The following GREB1 variants were observed in gnomAD, a reference collection of about 807,000 sequenced individuals.
The protein encoded by GREB1 is growth regulating estrogen receptor binding 1.
Under a neutral mutation model 200.7 loss-of-function variants are expected in GREB1, and 106 were observed. The observed-to-expected ratio is 0.53, with a 90% CI of 0.45 to 0.62. The LOEUF (loss-of-function observed/expected upper bound fraction) is 0.62, where lower values mean the gene tolerates loss of function less well. Ranked by LOEUF, GREB1 falls within the 20% of genes least tolerant of loss-of-function variation. The pLI is 0.00. For synonymous variants in GREB1, 1,132 were observed against 1,092.4 expected, an observed-to-expected ratio of 1.04 and a Z score of -0.72; for missense variants, 2,243 against 2,556.8, an observed-to-expected ratio of 0.88 and a Z score of 2.65.
intron 20 of GREB1, among the ~76,000 whole-genome samples, chr2:11,616,025 C>T (rs958743162): frequency 6.6e-6 from 1 of 152,228 alleles, no homozygotes. Context: ...GCCATCTTTT[C>T]GAAGCACGGC....
chr2:11,577,220 A>G (rs978725980), intron 5 of GREB1, among the ~76,000 whole-genome samples: 20 of 151,610 alleles, frequency 1.3e-4, no homozygotes, highest in African/African-American at 4.6e-4. Flanking sequence ...AACTCAAGAC[A>G]AGTTTGATTG....
chr2:11,517,660 T>C (rs1040702595), intron 1 of GREB1, among the ~76,000 whole-genome samples: 2 of 150,900 alleles, frequency 1.3e-5, no homozygotes, highest in African/African-American at 4.9e-5. Context: ...ATTTTTTAAA[T>C]TTTTTTTTTG....
intron 27 of GREB1, 48 bp downstream of exon 27, chr2:11,632,161 A>T: frequency 7.4e-7 from 1 of 1,349,044 alleles, no homozygotes; most frequent in Non-Finnish European, 1.1e-6. Flanking sequence ...CTGTGAACGA[A>T]CACTTGAGAG....
chr2:11,547,131 TG>T (rs1279486395), intron 1 of GREB1, among the ~76,000 whole-genome samples: 1 of 152,044 alleles, frequency 6.6e-6, no homozygotes, highest in African/African-American at 2.4e-5. Flanking sequence ...TTAGTACAGA[TG>T]GGGTTTCACC....
intron 4 of GREB1, among the ~76,000 whole-genome samples, chr2:11,568,625 G>A (rs73915431): frequency 0.043 from 6,481 of 152,304 alleles, 404 homozygotes; most frequent in African/African-American, 0.14. Flanking sequence ...TTGATCTGGC[G>A]GTGGCCGGGG....
chr2:11,625,802 C>G (rs1558657290), intron 24 of GREB1, among the ~76,000 whole-genome samples: 1 of 152,084 alleles, frequency 6.6e-6, no homozygotes, highest in Non-Finnish European at 1.5e-5. Flanking sequence ...CTGTGTTAGT[C>G]CGTTTCACGC....
In GREB1 at chr2:11,585,757, C is replaced by G. The variant is rs753872366; in HGVS notation, c.1016-5C>G. ...GTTTTCACTAATATTCTTGGGTGTT[C>G]CTAGAGAGCGCAGGCATGTCCTGCG... is the stretch of plus-strand genomic sequence containing the variant. On this transcript the variant is annotated splice_polypyrimidine_tract_variant and splice_region_variant and intron_variant, in intron 8 of 32. Coordinates refer to ENST00000381486, the MANE Select transcript of GREB1 (RefSeq NM_014668.4). 1 of 1,612,498 alleles carries G rather than the reference C, an allele frequency of 6.2e-7. No homozygotes were observed. The highest frequency in any genetic ancestry group is 8.5e-7 in the Non-Finnish European group (1 of 1,179,918).
Position 11,640,278 on chromosome 2 carries a change from G to GAACC in GREB1, c.5687-13_5687-12insAACC. 6.2e-7 allele frequency: 1 copy of GAACC among 1,603,056 alleles called. No individual in the cohort carries two copies. Among genetic ancestry groups the GAACC allele is most frequent in the Non-Finnish European group, 8.5e-7 (1 of 1,173,844 alleles). On this transcript the variant is annotated splice_polypyrimidine_tract_variant and intron_variant, in intron 32 of 32. Transcript: ENST00000381486. The surrounding 1 kb of genome is among the most constrained non-coding windows in gnomAD (Gnocchi z 4.6). ...CCTTTTCCCTTCCCACACCTCTGCC[G>GAACC]TTGTCCACGCAGGTGCGACGTTGTG...
In GREB1 at chr2:11,578,449, C is replaced by T; in HGVS notation, c.772+18C>T. The T allele has an allele frequency of 1.2e-6, 2 of 1,612,318 alleles. No homozygotes were observed. The highest frequency in any genetic ancestry group is 1.7e-6 in the Non-Finnish European group (2 of 1,179,194). On this transcript the variant is annotated intron_variant, in intron 6 of 32. Transcript: ENST00000381486. The stretch of plus-strand genomic sequence containing the variant: ...GCAGGCAGGTGAGGTGGTGGAGACA[C>T]ACCAGAGCTGCTAAACCCACAGAGC...
intron 1 of GREB1, among the ~76,000 whole-genome samples, chr2:11,555,589 C>G (rs778178686): frequency 6.6e-6 from 1 of 152,202 alleles, no homozygotes; most frequent in Non-Finnish European, 1.5e-5. Flanking sequence ...ACAGATGAAT[C>G]TTGGAGACAT....
At chr2:11,562,865 C>G (rs552716386) in intron 3 of GREB1, 1 of 277,666 alleles carries the variant, frequency 3.6e-6, no homozygotes, top group African/African-American at 2.2e-5. Flanking sequence ...GGGAGCCAGA[C>G]ATTCATTTTT....
At position 11,562,600 on chromosome 2, in the gene GREB1, C is replaced by T. The variant is rs781700240; in HGVS notation, c.277+18C>T. 3.8e-6 allele frequency: 6 copies of T among 1,559,604 alleles called. No individual in the cohort carries two copies. Among genetic ancestry groups the T allele is most frequent in the Non-Finnish European group, 5.2e-6 (6 of 1,154,234 alleles). ...CACAGACGGTGAGCCTCTGCCAGCT[C>T]CTGGCCAGGCAGTGCCTGCCATGCT... is the stretch of plus-strand genomic sequence containing the variant. On this transcript the variant is annotated intron_variant, in intron 3 of 32. Transcript: ENST00000381486.
chr2:11,517,737 C>T (rs1241468154), intron 1 of GREB1, among the ~76,000 whole-genome samples: 1 of 152,106 alleles, frequency 6.6e-6, no homozygotes, highest in Admixed American at 6.5e-5. Context: ...CTGCAAGCTC[C>T]GCCTCCCGGG....
At position 11,597,711 on chromosome 2, in the gene GREB1, C is replaced by CCTGTGAG; in HGVS notation, c.1955-70_1955-69insCTGTGAG. 1 of 1,414,750 alleles carries CCTGTGAG rather than the reference C, an allele frequency of 7.1e-7. No individual in the cohort carries two copies. Among genetic ancestry groups the CCTGTGAG allele is most frequent in the Non-Finnish European group, 1.0e-6 (1 of 1,000,116 alleles). 87.6% of individuals were successfully genotyped at this position (1,414,750 alleles called of 1,614,324 possible). A position where few individuals can be genotyped will look rare whatever the true frequency, so the allele number is the denominator to read the frequency against. ...CTCCCCTGGACAGGTCTCACTGATT[C>CCTGTGAG]TCTGGCCAAGGGCCTGGCAGTAGCC... On this transcript the variant is annotated intron_variant, in intron 13 of 32. Transcript: ENST00000381486. The surrounding 1 kb of genome is among the most constrained non-coding windows in gnomAD (Gnocchi z 4.1).
chr2:11,535,384 C>CATAT (rs1558507725), intron 1 of GREB1, among the ~76,000 whole-genome samples: 1 of 151,242 alleles, frequency 6.6e-6, no homozygotes, highest in Non-Finnish European at 1.5e-5. Context: ...CCTCACCCCA[C>CATAT]TTATTTATTT....
At chr2:11,635,946 C>T (rs976938460) in intron 30 of GREB1, among the ~76,000 whole-genome samples, 1 of 152,220 alleles carries the variant, frequency 6.6e-6, no homozygotes, top group Non-Finnish European at 1.5e-5. Context: ...GAAGTTCTCC[C>T]CAGTCCCGTG....
At chr2:11,538,179 C>T (rs771491394) in intron 1 of GREB1, among the ~76,000 whole-genome samples, 4 of 152,094 alleles carry the variant, frequency 2.6e-5, no homozygotes, top group Admixed American at 6.6e-5. Flanking sequence ...CCCTGCCTGG[C>T]GATGAAGGTG....
rs1673068084 is a variant in GREB1, at chr2:11,502,213, G to A, written c.-159+19832G>A. 2.0e-5 allele frequency among the ~76,000 whole-genome samples: 3 copies of A among 149,218 alleles called. No homozygotes were observed. The South Asian group carries it at 6.4e-4, about 32-fold the overall frequency. On this transcript the variant is annotated intron_variant, in intron 1 of 2. Coordinates refer to the GREB1 transcript ENST00000628795. ...ATCGCAGGCATGAACCACCACGCCT[G>A]GCCCTCTTTTTTTTTTTTTTTTCCT...
At chr2:11,545,791 T>C (rs1675216491) in intron 1 of GREB1, among the ~76,000 whole-genome samples, 1 of 152,172 alleles carries the variant, frequency 6.6e-6, no homozygotes. Flanking sequence ...AGGTTACAAA[T>C]GGAAAGCAAG....
Sources: allele counts gnomAD v4.1 joint callset (sites outside exome capture counted in the v4.1 genomes callset), GRCh38; gene constraint gnomAD v4.1.1; non-coding constraint Gnocchi (gnomAD v3.1); transcripts MANE v1.5; gene names NCBI Gene and HGNC (gene_info 2026-07-23, HGNC 2026-07-21).